Variants in STARD9 observed in about 807,000 individuals in gnomAD.
STARD9 encodes the protein stAR-related lipid transfer protein 9.
Under a neutral mutation model 399.8 loss-of-function variants are expected in STARD9, and 346 were observed. That is an observed-to-expected ratio of 0.87 (90% CI 0.79 to 0.95). The LOEUF is 0.95. Ranked by LOEUF, STARD9 falls within the 40% of genes least tolerant of loss-of-function variation. The pLI is 0.00. For synonymous variants in STARD9, 2,203 were observed against 2,143.5 expected, an observed-to-expected ratio of 1.03 and a Z score of -0.77; for missense variants, 5,832 against 5,667.5, an observed-to-expected ratio of 1.03 and a Z score of -0.93.
intron 3 of STARD9, among the ~76,000 whole-genome samples, chr15:42,620,577 C>T (rs1566879834): frequency 6.6e-6 from 1 of 152,072 alleles, no homozygotes; most frequent in African/African-American, 2.4e-5. Context: ...AAGATCCTTA[C>T]AGCAAAAAGA....
At chr15:42,652,308 T>A (rs1419104420) in intron 8 of STARD9, among the ~76,000 whole-genome samples, 1 of 152,200 alleles carries the variant, frequency 6.6e-6, no homozygotes, top group Admixed American at 6.5e-5. Flanking sequence ...AGTATGAAGC[T>A]ACACTCCGTT....
At chr15:42,718,367 G>C in intron 30 of STARD9, 68 bp from the exon 31 acceptor site, 1 of 1,381,292 alleles carries the variant, frequency 7.2e-7, no homozygotes, top group South Asian at 1.2e-5. Context: ...AGGGCTCCCT[G>C]ACCAGGAAGG....
chr15:42,661,505 T>A (rs2059993268), intron 10 of STARD9, among the ~76,000 whole-genome samples: 1 of 152,072 alleles, frequency 6.6e-6, no homozygotes, highest in South Asian at 2.1e-4. Flanking sequence ...AGTGCAGTAG[T>A]ATGATCATGG....
chr15:42,715,823 A>G (rs1332744053), intron 26 of STARD9, among the ~76,000 whole-genome samples: 1 of 152,054 alleles, frequency 6.6e-6, no homozygotes, highest in Non-Finnish European at 1.5e-5. Flanking sequence ...TTTTTTTTAA[A>G]ATTAGCCAAG....
Position 42,690,016 on chromosome 15 carries a change from A to G in STARD9, c.8438A>G (p.Glu2813Gly). The G allele has an allele frequency of 6.5e-7, 1 of 1,537,362 alleles. No individual in the cohort carries two copies. The highest frequency in any genetic ancestry group is 8.7e-7 in the Non-Finnish European group (1 of 1,146,964). ...TAQGEKTAHF[E>G]SQSVTCDVQN... ...CAGGGAGAAAAAACAGCCCATTTTG[A>G]AAGTCAGTCTGTGACCTGTGATGTT... Residue 2813 changes from glutamate (E) to glycine (G), a missense_variant, in exon 23 of 33, where the codon GAA (glutamate) becomes GGA (glycine). Around this residue, in one of 2 missense-constraint regions of STARD9, gnomAD observed 5,828 missense variants for 5,651.1 expected, o/e 1.03. Transcript: ENST00000290607.
At chr15:42,703,866 C>T (rs747287866) in intron 26 of STARD9, among the ~76,000 whole-genome samples, 1 of 151,894 alleles carries the variant, frequency 6.6e-6, no homozygotes, top group Admixed American at 6.6e-5. Flanking sequence ...ATTTCACCTC[C>T]AGGATTTCTG....
At chr15:42,643,726 G>C (rs1354117314) in intron 7 of STARD9, among the ~76,000 whole-genome samples, 1 of 152,132 alleles carries the variant, frequency 6.6e-6, no homozygotes, top group African/African-American at 2.4e-5. Flanking sequence ...TCAAACTCCT[G>C]ACCTTGTGAT....
intron 26 of STARD9, among the ~76,000 whole-genome samples, chr15:42,699,917 G>A (rs1036461655): frequency 6.6e-6 from 1 of 152,060 alleles, no homozygotes; most frequent in African/African-American, 2.4e-5. Flanking sequence ...ATGTTAGCTA[G>A]GCTGGTCTCA....
At position 42,687,342 on chromosome 15, in the gene STARD9, G is replaced by A; in HGVS notation, c.5764G>A (p.Asp1922Asn). ...ESEAREEEEL[D>N]QNTVLRQTIN... is the part of the protein sequence containing the mutation. ...TGAGGCACGAGAGGAAGAAGAGCTG[G>A]ATCAGAATACGGTTCTGAGGCAGAC... The change falls in exon 23 of 33, where the codon GAT becomes AAT. Residue 1922 changes from aspartate to asparagine, a missense_variant. Physicochemically the swap from Asp to Asn is conservative, Grantham distance 23. This residue lies in a region of STARD9 where 5,828 missense variants were observed against 5,651.1 expected (regional missense o/e 1.03). Coordinates refer to ENST00000290607, the MANE Select transcript of STARD9 (RefSeq NM_020759.3). The A allele has an allele frequency of 2.6e-6, 4 of 1,536,776 alleles. No individual in the cohort carries two copies. The highest frequency in any genetic ancestry group is 3.5e-6 in the Non-Finnish European group (4 of 1,146,926).
chr15:42,682,924 G>A (rs1211073912), intron 22 of STARD9, among the ~76,000 whole-genome samples: 2 of 152,094 alleles, frequency 1.3e-5, no homozygotes, highest in Non-Finnish European at 2.9e-5. Flanking sequence ...TGTCATGCCT[G>A]TAACCAGACT....
At chr15:42,713,680 T>C (rs1165673094) in intron 26 of STARD9, among the ~76,000 whole-genome samples, 1 of 152,236 alleles carries the variant, frequency 6.6e-6, no homozygotes, top group Admixed American at 6.5e-5. Context: ...TTTATTAATA[T>C]AGTGTATTGC....
rs2060639947 is a variant in STARD9 at position 42,689,509 on chromosome 15, C to T, written c.7931C>T (p.Ala2644Val). Residue 2644 changes from alanine (A) to valine (V), a missense_variant, in exon 23 of 33, where the codon GCA becomes GTA. Around this residue, in one of 2 missense-constraint regions of STARD9, gnomAD observed 5,828 missense variants for 5,651.1 expected, o/e 1.03. Coordinates refer to ENST00000290607, the MANE Select transcript of STARD9 (RefSeq NM_020759.3). ...ERKVQATSLSADSFESLPNTE... is the reference protein window; with the variant it reads ...ERKVQATSLSVDSFESLPNTE... Reference sequence around the variant, plus strand: ...AAAGTCCAGGCCACATCTCTGTCTGCAGACAGCTTTGAATCTCTGCCCAAT... The same window carrying T: ...AAAGTCCAGGCCACATCTCTGTCTGTAGACAGCTTTGAATCTCTGCCCAAT... 1.3e-6 allele frequency: 2 copies of T among 1,537,300 alleles called. No homozygotes were observed. Among genetic ancestry groups the T allele is most frequent in the Non-Finnish European group, 1.7e-6 (2 of 1,146,924 alleles).
chr15:42,709,677 T>C (rs920894386), intron 26 of STARD9, among the ~76,000 whole-genome samples: 1 of 152,090 alleles, frequency 6.6e-6, no homozygotes, highest in Non-Finnish European at 1.5e-5. Context: ...AGAGCAAGAC[T>C]CCATGCCCCA....
At position 42,634,861 on chromosome 15, in the gene STARD9, C is replaced by T. The variant is rs778682289; in HGVS notation, c.240C>T (p.Phe80=). The T allele has an allele frequency of 1.8e-4, 267 of 1,524,554 alleles. No individual in the cohort carries two copies. The highest frequency in any genetic ancestry group is 1.2e-3 in the Middle Eastern group (7 of 5,958). 94.4% of individuals were successfully genotyped at this position (1,524,554 alleles called of 1,614,324 possible). A position where few individuals can be genotyped will look rare whatever the true frequency, so the allele number is the denominator to read the frequency against. ...DPQYASQDVV[F]QDLGMEVLSG... ...CTCTGCTTTTGTTGTTACAGGTTTT[C>T]CAGGATTTAGGGATGGAAGTACTGT... The change falls in exon 4 of 33, where the codon TTC becomes TTT. Residue 80 remains phenylalanine (F), a synonymous_variant. Transcript: ENST00000290607.
At chr15:42,701,796 C>T (rs1028052752) in intron 26 of STARD9, among the ~76,000 whole-genome samples, 1 of 151,904 alleles carries the variant, frequency 6.6e-6, no homozygotes, top group Admixed American at 6.6e-5. Flanking sequence ...AGTTCGAGAC[C>T]AGCCTGGCCA....
intron 26 of STARD9, among the ~76,000 whole-genome samples, chr15:42,710,633 G>T (rs2061195533): frequency 6.6e-6 from 1 of 152,154 alleles, no homozygotes; most frequent in African/African-American, 2.4e-5. Context: ...TCAGGATTGT[G>T]TTAGTTTCTT....
Position 42,694,051 on chromosome 15 carries a change from T to C in STARD9, c.12473T>C (p.Met4158Thr), listed in dbSNP as rs1388403040. Reference protein sequence around the residue: ...VQKGSPGGLDMTEEELGASGD... With the variant: ...VQKGSPGGLDTTEEELGASGD... ...AAGGGCTCACCTGGGGGGTTGGACA[T>C]GACTGAGGAGGAGCTGGGGGCCAGC... Residue 4158 changes from methionine (M) to threonine (T), a missense_variant, in exon 23 of 33, where the codon ATG (methionine) becomes ACG (threonine). Coordinates refer to ENST00000290607, the MANE Select transcript of STARD9 (RefSeq NM_020759.3). 6.5e-7 allele frequency: 1 copy of C among 1,536,282 alleles called. No homozygotes were observed. The highest frequency in any genetic ancestry group is 8.7e-7 in the Non-Finnish European group (1 of 1,146,552).
intron 16 of STARD9, chr15:42,672,219 G>A (rs2060216809): frequency 1.3e-5 from 2 of 152,286 alleles, no homozygotes; most frequent in South Asian, 2.1e-4. Flanking sequence ...CAACTCGGAA[G>A]CTGTTTTTTC....
chr15:42,690,487 A>T lies in STARD9; in HGVS notation c.8909A>T (p.His2970Leu), dbSNP rs1169630931. ...GTTGCTACTCATGCTTATTCCTCCC[A>T]TTCCTCTACTTTACTGTGTTTTAGA... ...QPVATHAYSS[H>L]SSTLLCFRDG... Residue 2970 changes from histidine to leucine, a missense_variant, in exon 23 of 33, where the codon CAT becomes CTT. Around this residue, in one of 2 missense-constraint regions of STARD9, gnomAD observed 5,828 missense variants for 5,651.1 expected, o/e 1.03. Coordinates refer to ENST00000290607, the MANE Select transcript of STARD9 (RefSeq NM_020759.3). The T allele has an allele frequency of 6.5e-7, 1 of 1,537,120 alleles. No individual in the cohort carries two copies. The highest frequency in any genetic ancestry group is 2.4e-5 in the East Asian group (1 of 40,916).
Sources: allele counts gnomAD v4.1 joint callset (sites outside exome capture counted in the v4.1 genomes callset), GRCh38; gene constraint gnomAD v4.1.1; regional missense constraint gnomAD v4.1.1; transcripts MANE v1.5; gene names NCBI Gene and HGNC (gene_info 2026-07-23, HGNC 2026-07-21).